DPYD: variants seen among roughly 807,000 people sequenced by gnomAD.
The protein encoded by DPYD is dihydropyrimidine dehydrogenase [NADP(+)].
DPYD carries 109 observed loss-of-function variants against 116.2 expected under a neutral mutation model. The ratio of observed to expected loss-of-function variants is 0.94; its 90% CI spans 0.80 to 1.10. The LOEUF is 1.10. Ranked by LOEUF, DPYD falls within the 50% of genes least tolerant of loss-of-function variation. The pLI, the probability that DPYD is intolerant of heterozygous loss-of-function variation, is 0.00. For synonymous variants in DPYD, 440 were observed against 432.0 expected, an observed-to-expected ratio of 1.02 and a Z score of -0.23; for missense variants, 1,302 against 1,254.5, an observed-to-expected ratio of 1.04 and a Z score of -0.57.
intron 3 of DPYD, among the ~76,000 whole-genome samples, chr1:97,745,047 A>G (rs1365208100): frequency 6.6e-6 from 1 of 152,030 alleles, no homozygotes; most frequent in Non-Finnish European, 1.5e-5. Flanking sequence ...TCCAATAATT[A>G]TCTGCCTATT....
intron 3 of DPYD, among the ~76,000 whole-genome samples, chr1:97,810,644 G>C (rs960701072): frequency 1.3e-5 from 2 of 151,946 alleles, no homozygotes; most frequent in African/African-American, 4.8e-5. Flanking sequence ...CCATATTAGA[G>C]CTCTCATATC....
intron 2 of DPYD, among the ~76,000 whole-genome samples, chr1:97,850,416 A>G (rs1433288547): frequency 2.6e-5 from 4 of 152,222 alleles, no homozygotes; most frequent in African/African-American, 9.6e-5. Context: ...ATTCTTAGAT[A>G]TGAAAATGAA....
intron 16 of DPYD, among the ~76,000 whole-genome samples, chr1:97,357,669 T>C (rs1231080059): frequency 6.6e-6 from 1 of 152,232 alleles, no homozygotes; most frequent in Non-Finnish European, 1.5e-5. Flanking sequence ...AAGTAGTTTA[T>C]CATACCTTAA....
intron 5 of DPYD, among the ~76,000 whole-genome samples, chr1:97,713,437 T>C (rs1662408948): frequency 6.6e-6 from 1 of 152,136 alleles, no homozygotes; most frequent in Admixed American, 6.6e-5. Flanking sequence ...TAAGATACAG[T>C]TTTAAAACAA....
At chr1:97,173,240 A>G (rs1656888260) in intron 20 of DPYD, among the ~76,000 whole-genome samples, 1 of 150,412 alleles carries the variant, frequency 6.6e-6, no homozygotes. Flanking sequence ...ATGCGCACAC[A>G]TATATGTACA....
intron 13 of DPYD, among the ~76,000 whole-genome samples, chr1:97,479,028 G>A (rs1197025101): frequency 6.6e-6 from 1 of 152,176 alleles, no homozygotes; most frequent in African/African-American, 2.4e-5. Context: ...ATCAGCCTTT[G>A]ACTTAAGAGA....
At chr1:97,194,176 CA>C (rs1658584681) in intron 19 of DPYD, among the ~76,000 whole-genome samples, 1 of 152,136 alleles carries the variant, frequency 6.6e-6, no homozygotes, top group Non-Finnish European at 1.5e-5. Context: ...GCTGTGTCCC[CA>C]CACAAATCTC....
intron 20 of DPYD, among the ~76,000 whole-genome samples, chr1:97,173,041 G>C (rs1034061075): frequency 6.6e-6 from 1 of 151,880 alleles, no homozygotes; most frequent in African/African-American, 2.4e-5. Context: ...GAATGGTTAC[G>C]GGCACAATGT....
intron 20 of DPYD, among the ~76,000 whole-genome samples, chr1:97,110,894 C>G (rs1219690675): frequency 1.3e-5 from 2 of 151,934 alleles, no homozygotes; most frequent in Non-Finnish European, 2.9e-5. Context: ...TATGGCTGGG[C>G]ACAGTGATTT....
At chr1:97,791,519 T>C (rs2101270657) in intron 3 of DPYD, among the ~76,000 whole-genome samples, 1 of 152,328 alleles carries the variant, frequency 6.6e-6, no homozygotes, top group East Asian at 1.9e-4. Flanking sequence ...GTAAATTTTT[T>C]GAAGGAGTAA....
In DPYD at chr1:97,593,210, C is replaced by G. The variant is rs774369082; in HGVS notation, c.1128+8G>C. The stretch of plus-strand genomic sequence containing the variant: ...ACAACTCCATATTTTCTGATGGTTC[C>G]ATTTTACCTCCTCAGGGACAGCTCT... On this transcript the variant is annotated splice_region_variant and intron_variant, in intron 10 of 22. Transcript: ENST00000370192. 6.2e-7 allele frequency: 1 copy of G among 1,613,828 alleles called. No homozygotes were observed. The highest frequency in any genetic ancestry group is 1.1e-5 in the South Asian group (1 of 91,076).
At chr1:97,537,940 G>T (rs953884432) in intron 12 of DPYD, among the ~76,000 whole-genome samples, 3 of 152,138 alleles carry the variant, frequency 2.0e-5, no homozygotes, top group Admixed American at 2.0e-4. Flanking sequence ...GGTGGCATAT[G>T]CCTGTAATCC....
intron 2 of DPYD, among the ~76,000 whole-genome samples, chr1:97,833,497 A>AG (rs1669628477): frequency 6.6e-6 from 1 of 152,128 alleles, no homozygotes; most frequent in African/African-American, 2.4e-5. Flanking sequence ...AGAGAAAAAA[A>AG]GGGGGAAGGC....
intron 1 of DPYD, among the ~76,000 whole-genome samples, chr1:97,892,171 T>C (rs9324374): frequency 0.73 from 110,056 of 151,576 alleles, 40,597 homozygotes; most frequent in East Asian, 0.93. Context: ...CATTGTGCTG[T>C]GGTGCCAATT....
intron 16 of DPYD, among the ~76,000 whole-genome samples, chr1:97,360,056 A>G (rs1302208931): frequency 1.3e-5 from 2 of 152,160 alleles, no homozygotes; most frequent in Non-Finnish European, 2.9e-5. Context: ...TATTCAGGAG[A>G]ACCATCTCAC....
In DPYD at chr1:97,282,803, G is replaced by A. The variant is rs114849039; in HGVS notation, c.2299+22456C>T. ...TACTTAGTGTTTAGTTCCCACTTCC[G>A]AGTGAGAACGGTATTTGGTTTTCTG... On this transcript the variant is annotated intron_variant, in intron 18 of 22. Coordinates refer to ENST00000370192, the MANE Select transcript of DPYD (RefSeq NM_000110.4). Among the ~76,000 whole-genome samples, 1,202 of 152,136 alleles carry A rather than the reference G, an allele frequency of 7.9e-3. 8 individuals carry two copies. Among genetic ancestry groups the A allele is most frequent in the Non-Finnish European group, 0.012 (842 of 67,972 alleles).
chr1:97,808,210 A>C (rs1668171997), intron 3 of DPYD, among the ~76,000 whole-genome samples: 1 of 152,164 alleles, frequency 6.6e-6, no homozygotes. Context: ...GAAAGAACCA[A>C]CATCTTGAGA....
intron 16 of DPYD, among the ~76,000 whole-genome samples, chr1:97,328,085 T>C (rs925936798): frequency 6.6e-6 from 1 of 152,104 alleles, no homozygotes; most frequent in Non-Finnish European, 1.5e-5. Flanking sequence ...CCATCCACAA[T>C]TGGTCTTCAA....
intron 12 of DPYD, among the ~76,000 whole-genome samples, chr1:97,537,815 A>G (rs576834120): frequency 2.0e-5 from 3 of 152,226 alleles, no homozygotes; most frequent in Non-Finnish European, 4.4e-5. Flanking sequence ...GAGGGCATTG[A>G]AGAAATGGAA....
Sources: gnomAD v4.1 joint callset for allele counts (sites outside exome capture counted in the v4.1 genomes callset) on GRCh38, gnomAD v4.1.1 for gene constraint, MANE v1.5 for transcripts, NCBI Gene and HGNC (gene_info 2026-07-23, HGNC 2026-07-21) for gene names.